Variants in SLX4IP observed in about 807,000 individuals in gnomAD.
SLX4IP encodes the protein protein SLX4IP.
In SLX4IP, 34 loss-of-function variants were observed where a neutral mutation model predicts 32.9. The observed-to-expected ratio is 1.03, with a 90% CI of 0.79 to 1.38. The LOEUF (loss-of-function observed/expected upper bound fraction) is 1.38. SLX4IP is among the 40% of genes most tolerant of loss of function. SLX4IP has a pLI of 0.00. For missense variants in SLX4IP, 444 were observed against 479.0 expected (o/e 0.93, Z 0.68); for synonymous variants, 172 against 171.7 (o/e 1.00, Z -0.01).
intron 2 of SLX4IP, among the ~76,000 whole-genome samples, chr20:10,504,780 G>A (rs780636678): frequency 2.0e-5 from 3 of 152,086 alleles, no homozygotes; most frequent in African/African-American, 4.8e-5. Context: ...GGAAGAGTAC[G>A]CAACACACAC....
chr20:10,459,679 A>T (rs1440298377), intron 2 of SLX4IP, among the ~76,000 whole-genome samples: 1 of 152,198 alleles, frequency 6.6e-6, no homozygotes, highest in East Asian at 1.9e-4. Context: ...ATGCCAGGAG[A>T]GTTCTCTTGC....
In SLX4IP at chr20:10,623,637, G is replaced by A. The variant is rs1241523782; in HGVS notation, c.*258G>A. 2 of 513,776 alleles carry A rather than the reference G, an allele frequency of 3.9e-6. No homozygotes were observed. The highest frequency in any genetic ancestry group is 2.7e-5 in the South Asian group (1 of 37,314). 31.8% of individuals were successfully genotyped at this position (513,776 alleles called of 1,614,324 possible). A position where few individuals can be genotyped will look rare whatever the true frequency, so the allele number is the denominator to read the frequency against. Reference sequence around the variant, plus strand: ...TTCAGAGAATTAGTAATGACAAAGAGCCATCCACCTTGTCAGGGAGGAGAC... The same window carrying A: ...TTCAGAGAATTAGTAATGACAAAGAACCATCCACCTTGTCAGGGAGGAGAC... On this transcript the variant is annotated 3_prime_UTR_variant, in exon 8 of 8. Coordinates refer to ENST00000334534, the MANE Select transcript of SLX4IP (RefSeq NM_001009608.3).
chr20:10,446,117 T>G (rs1350463132), intron 1 of SLX4IP, among the ~76,000 whole-genome samples: 1 of 151,844 alleles, frequency 6.6e-6, no homozygotes, highest in African/African-American at 2.4e-5. Flanking sequence ...CTGTTAAGAA[T>G]AAAGTTACTA....
chr20:10,479,609 A>G (rs1600913197), intron 2 of SLX4IP, among the ~76,000 whole-genome samples: 1 of 139,410 alleles, frequency 7.2e-6, no homozygotes, highest in South Asian at 2.6e-4. Context: ...CTTGGCTCCC[A>G]AAGTCCTGGG....
At chr20:10,549,564 C>T (rs1181421063) in intron 2 of SLX4IP, among the ~76,000 whole-genome samples, 3 of 152,214 alleles carry the variant, frequency 2.0e-5, no homozygotes, top group Admixed American at 6.5e-5. Context: ...ACAGCCTAAA[C>T]GTGCTCCCAC....
chr20:10,564,954 T>C (rs1158635783), intron 4 of SLX4IP, among the ~76,000 whole-genome samples: 1 of 152,254 alleles, frequency 6.6e-6, no homozygotes, highest in Non-Finnish European at 1.5e-5. Flanking sequence ...TGCTTTTTGA[T>C]TTTTATTTAT....
chr20:10,479,884 A>G (rs945162639), intron 2 of SLX4IP, among the ~76,000 whole-genome samples: 5 of 151,690 alleles, frequency 3.3e-5, no homozygotes, highest in African/African-American at 4.8e-5. Flanking sequence ...GGTGCCTGTA[A>G]TCCCAGCCAC....
At chr20:10,594,149 A>G (rs1056503370) in intron 4 of SLX4IP, among the ~76,000 whole-genome samples, 4 of 152,316 alleles carry the variant, frequency 2.6e-5, no homozygotes, top group African/African-American at 9.6e-5. Flanking sequence ...TTGAATCTAG[A>G]TGGTGGGTTT....
chr20:10,597,187 T>C (rs550208516), intron 4 of SLX4IP, among the ~76,000 whole-genome samples: 6 of 152,348 alleles, frequency 3.9e-5, no homozygotes, highest in African/African-American at 1.2e-4. Flanking sequence ...AGACCAACCA[T>C]AGTCATGGAC....
At chr20:10,515,884 TTTG>T (rs768071067) in intron 2 of SLX4IP, among the ~76,000 whole-genome samples, 3 of 152,186 alleles carry the variant, frequency 2.0e-5, no homozygotes, top group Non-Finnish European at 4.4e-5. Context: ...TTGAGGTTTT[TTTG>T]TTGTTGTGGT....
intron 4 of SLX4IP, among the ~76,000 whole-genome samples, chr20:10,597,334 C>T (rs554982657): frequency 2.5e-4 from 38 of 152,196 alleles, no homozygotes; most frequent in Admixed American, 4.6e-4. Context: ...CTGCTGACTG[C>T]GATAACCAGG....
chr20:10,576,532 C>T lies in SLX4IP; in HGVS notation c.238+15712C>T, dbSNP rs552325639. ...AACCTAATGGGAAACTTGGCCTGAT[C>T]TGTTTTGTGAAATGTCTTGAGAAAA... is the stretch of plus-strand genomic sequence containing the variant. On this transcript the variant is annotated intron_variant, in intron 4 of 7. Coordinates refer to ENST00000334534, the MANE Select transcript of SLX4IP (RefSeq NM_001009608.3). Among the ~76,000 whole-genome samples, 5 of 152,304 alleles carry T rather than the reference C, an allele frequency of 3.3e-5. No homozygotes were observed. In the South Asian group the frequency reaches 8.3e-4, roughly 25 times the overall value.
At chr20:10,535,078 C>G (rs1568728374) in intron 2 of SLX4IP, among the ~76,000 whole-genome samples, 1 of 152,022 alleles carries the variant, frequency 6.6e-6, no homozygotes, top group Non-Finnish European at 1.5e-5. Context: ...CATGATCGCT[C>G]TGGCAACAGA....
chr20:10,483,631 A>G (rs2065545291), intron 2 of SLX4IP, among the ~76,000 whole-genome samples: 1 of 135,530 alleles, frequency 7.4e-6, no homozygotes, highest in Non-Finnish European at 1.7e-5. Context: ...ATTACATATT[A>G]AAATCCTGAC....
At chr20:10,443,240 C>CA (rs1024588724) in intron 1 of SLX4IP, among the ~76,000 whole-genome samples, 1 of 151,832 alleles carries the variant, frequency 6.6e-6, no homozygotes, top group African/African-American at 2.4e-5. Flanking sequence ...AAAACAAAAA[C>CA]AAAAAACCAC....
chr20:10,609,110 C>G (rs1421199939), intron 6 of SLX4IP, among the ~76,000 whole-genome samples: 1 of 152,108 alleles, frequency 6.6e-6, no homozygotes, highest in East Asian at 1.9e-4. Flanking sequence ...GCAGCGACCA[C>G]CCAGCTCAAC....
chr20:10,565,739 C>T lies in SLX4IP; in HGVS notation c.238+4919C>T, dbSNP rs574367078. ...AACTTTCCTCTTGGCTTCCTTCTTC[C>T]ATGAGCTTCTAATCAGTAACAACAA... On this transcript the variant is annotated intron_variant, in intron 4 of 7. Coordinates refer to ENST00000334534, the MANE Select transcript of SLX4IP (RefSeq NM_001009608.3). 6.7e-4 allele frequency among the ~76,000 whole-genome samples: 102 copies of T among 152,150 alleles called. 1 individual carries two copies. Among genetic ancestry groups the T allele is most frequent in the Non-Finnish European group, 1.4e-3 (98 of 68,032 alleles).
intron 2 of SLX4IP, among the ~76,000 whole-genome samples, chr20:10,537,040 G>A (rs1046314077): frequency 5.9e-5 from 9 of 152,186 alleles, no homozygotes; most frequent in African/African-American, 2.2e-4. Flanking sequence ...TCAAATTTTA[G>A]TATCTAATAT....
At chr20:10,566,077 CTG>C (rs1368469959) in intron 4 of SLX4IP, among the ~76,000 whole-genome samples, 2 of 152,102 alleles carry the variant, frequency 1.3e-5, no homozygotes, top group African/African-American at 4.8e-5. Flanking sequence ...ATTTCTGTAA[CTG>C]TGAAATAAGT....
Sources: allele counts gnomAD v4.1 joint callset (sites outside exome capture counted in the v4.1 genomes callset), GRCh38; gene constraint gnomAD v4.1.1; transcripts MANE v1.5; gene names NCBI Gene and HGNC (gene_info 2026-07-23, HGNC 2026-07-21).